The following PRKDC variants were observed in gnomAD, a reference collection of about 807,000 sequenced individuals.
The protein encoded by PRKDC is DNA-dependent protein kinase catalytic subunit.
A neutral mutation model predicts 486.9 loss-of-function variants in PRKDC; 82 were observed. The observed-to-expected ratio is 0.17, with a 90% CI of 0.14 to 0.20. The LOEUF is 0.20. Among genes scored for constraint, PRKDC ranks in the 10% least tolerant of loss-of-function variants. The pLI is 1.00. For synonymous variants in PRKDC, 1,895 were observed against 1,837.0 expected (o/e 1.03, Z -0.81); for missense variants, 4,504 against 5,038.2 (o/e 0.89, Z 3.21).
chr8:47,823,637 CTG>C (rs1227399331), intron 64 of PRKDC, among the ~76,000 whole-genome samples: 1 of 151,834 alleles, frequency 6.6e-6, no homozygotes, highest in Admixed American at 6.6e-5. Context: ...CAAACAGAAA[CTG>C]TGTAAGAGCA....
chr8:47,952,682 CCT>C (rs1167124314), intron 7 of PRKDC, among the ~76,000 whole-genome samples: 4 of 151,636 alleles, frequency 2.6e-5, no homozygotes, highest in Non-Finnish European at 5.9e-5. Flanking sequence ...ATAATGATAC[CCT>C]GTCTCAATTA....
Position 47,927,270 on chromosome 8 carries a change from G to C in PRKDC, c.2343C>G (p.Asp781Glu). The change falls in exon 21 of 86, where the codon GAC becomes GAG. Residue 781 changes from aspartate (D) to glutamate (E), a missense_variant. Asp to Glu is a conservative substitution (Grantham distance 45). Transcript: ENST00000314191. ...TGTAATAAGGCTGCATTACATGTCTGTCAATATAAATTGACCATTCTTCTA... is the reference window on the plus strand; with the variant it reads ...TGTAATAAGGCTGCATTACATGTCTCTCAATATAAATTGACCATTCTTCTA... ...NALEEWSIYI[D>E]RHVMQPYYKD... 1 of 1,613,658 alleles carries C rather than the reference G, an allele frequency of 6.2e-7. No individual in the cohort carries two copies. The highest frequency in any genetic ancestry group is 8.5e-7 in the Non-Finnish European group (1 of 1,179,650).
At chr8:47,798,714 C>T (rs1411968133) in intron 72 of PRKDC, among the ~76,000 whole-genome samples, 1 of 152,100 alleles carries the variant, frequency 6.6e-6, no homozygotes, top group East Asian at 1.9e-4. Flanking sequence ...ATTGAAGCTG[C>T]AAGCAAAATA....
chr8:47,902,042 G>A (rs534072678), intron 27 of PRKDC, among the ~76,000 whole-genome samples: 6 of 152,278 alleles, frequency 3.9e-5, no homozygotes, highest in Admixed American at 3.3e-4. Context: ...CAGATCCTCT[G>A]TCACTAGCGG....
rs2086720195 is a variant in PRKDC at position 47,782,770 on chromosome 8, T to A, written c.11176-172A>T. 1 of 632,478 alleles carries A rather than the reference T, an allele frequency of 1.6e-6. No homozygotes were observed. The highest frequency in any genetic ancestry group is 2.9e-5 in the Admixed American group (1 of 34,348). 39.2% of individuals were successfully genotyped at this position (632,478 alleles called of 1,614,324 possible). Reference sequence around the variant, plus strand: ...TTTCTGCTACCTGCTTGTGCCTGACTGCTGTGCCCGCAGAAATGTTGTATT... The same window carrying A: ...TTTCTGCTACCTGCTTGTGCCTGACAGCTGTGCCCGCAGAAATGTTGTATT... On this transcript the variant is annotated intron_variant, in intron 78 of 85. Coordinates refer to ENST00000314191, the MANE Select transcript of PRKDC (RefSeq NM_006904.7). This position sits in a 1 kb window ranked among gnomAD's most constrained non-coding sequence, Gnocchi z 4.9.
In PRKDC at chr8:47,859,617, C is replaced by T. The variant is rs745971291; in HGVS notation, c.6201G>A (p.Arg2067=). Residue 2067 remains arginine, a synonymous_variant, in exon 46 of 86, where the codon CGG becomes CGA. Transcript: ENST00000314191. ...QDPRPATGRF[R]RREQRDPTVH... is the part of the protein sequence containing the mutation. ...GTATGTGAAATGTGATCACCCGTCTCCGAAAACGACCAGTGGCAGGTCTAG... is the reference window on the plus strand; with the variant it reads ...GTATGTGAAATGTGATCACCCGTCTTCGAAAACGACCAGTGGCAGGTCTAG... The T allele has an allele frequency of 1.9e-6, 3 of 1,610,554 alleles. No individual in the cohort carries two copies. Among genetic ancestry groups the T allele is most frequent in the Non-Finnish European group, 2.5e-6 (3 of 1,178,824 alleles).
rs893395799 is a variant in PRKDC at position 47,779,168 on chromosome 8, A to C, written c.11490-75T>G. 6.0e-5 allele frequency: 66 copies of C among 1,091,770 alleles called. No homozygotes were observed. In the African/African-American group the frequency reaches 1.0e-3, roughly 17 times the overall value. 67.6% of individuals were successfully genotyped at this position (1,091,770 alleles called of 1,614,324 possible). A position where few individuals can be genotyped will look rare whatever the true frequency, so the allele number is the denominator to read the frequency against. On this transcript the variant is annotated intron_variant, in intron 80 of 85. Coordinates refer to ENST00000314191, the MANE Select transcript of PRKDC (RefSeq NM_006904.7). ...GTGATTTCAAAGGCAAAGATCACCA[A>C]GAATTCATTGAAAAATAGCAAAGAG...
At chr8:47,900,697 A>G (rs894702427) in intron 27 of PRKDC, among the ~76,000 whole-genome samples, 1 of 151,932 alleles carries the variant, frequency 6.6e-6, no homozygotes, top group African/African-American at 2.4e-5. Context: ...AAAATACAAA[A>G]AATTAGCTGG....
chr8:47,889,326 G>A, intron 32 of PRKDC, 104 bp from the exon 33 acceptor site: 1 of 943,014 alleles, frequency 1.1e-6, no homozygotes, highest in Non-Finnish European at 1.6e-6. Flanking sequence ...CTAAGGGAGA[G>A]GTGGGCAGAG....
intron 28 of PRKDC, among the ~76,000 whole-genome samples, chr8:47,899,333 T>C (rs2089638647): frequency 6.6e-6 from 1 of 152,152 alleles, no homozygotes; most frequent in African/African-American, 2.4e-5. Context: ...ATAACAGAGC[T>C]CAGTCTGTCT....
In PRKDC at chr8:47,939,632, C is replaced by G. The variant is rs766029025; in HGVS notation, c.1032G>C (p.Gln344His). Residue 344 changes from glutamine (Q) to histidine (H), a missense_variant, in exon 11 of 86, where the codon CAG becomes CAC. Physicochemically the swap from Gln to His is conservative, Grantham distance 24 (BLOSUM62 0). Coordinates refer to ENST00000314191, the MANE Select transcript of PRKDC (RefSeq NM_006904.7). ...CCACATTTCTGATGATTCCATAAAA[C>G]TGCTCCATAAAGTACTGCAGTTTAT... ...HKNKLQYFME[Q>H]FYGIIRNVDS... 4 of 1,613,406 alleles carry G rather than the reference C, an allele frequency of 2.5e-6. No homozygotes were observed. In the South Asian group the frequency reaches 4.4e-5, roughly 18 times the overall value.
chr8:47,802,869 G>A (rs2087138079), intron 70 of PRKDC, among the ~76,000 whole-genome samples: 1 of 152,074 alleles, frequency 6.6e-6, no homozygotes, highest in African/African-American at 2.4e-5. Flanking sequence ...TAGCCAGGAT[G>A]GTCTCGATCT....
rs745812523 is a variant in PRKDC at position 47,858,813 on chromosome 8, T to C, written c.6345+36A>G. The C allele has an allele frequency of 2.5e-6, 4 of 1,594,090 alleles. No homozygotes were observed. The African/African-American group carries it at 5.4e-5, about 21-fold the overall frequency. ...TCATTCTCAGTATGACACCAATGAA[T>C]ATAGTATTAACAGGTAAGATGAGTG... On this transcript the variant is annotated intron_variant, in intron 47 of 85. Coordinates refer to ENST00000314191, the MANE Select transcript of PRKDC (RefSeq NM_006904.7).
At chr8:47,881,715 G>A (rs1363457733) in intron 37 of PRKDC, among the ~76,000 whole-genome samples, 195 bp from the exon 38 acceptor site, 1 of 152,130 alleles carries the variant, frequency 6.6e-6, no homozygotes, top group Non-Finnish European at 1.5e-5. Flanking sequence ...ACTTTAAAAA[G>A]ATATAGCATA....
Position 47,858,850 on chromosome 8 carries a change from T to C in PRKDC, c.6344A>G (p.Glu2115Gly). ...AGGTAAGATGAGTGGGAAAAGCACC[T>C]CTTCTCCTTGAGGCGGGCCCAGGCT... Reference protein sequence around the residue: ...HRSLGPPQGEEDSVPRDLPSW... With the variant: ...HRSLGPPQGEGDSVPRDLPSW... The change falls in exon 47 of 86, where the codon GAG (glutamate) becomes GGG (glycine). Residue 2115 changes from glutamate (E) to glycine (G), a missense_variant and splice_region_variant. By Grantham distance (98) the Glu-to-Gly change is moderately conservative. Around this residue, in one of 6 missense-constraint regions of PRKDC, gnomAD observed 1,592 missense variants for 1,724.6 expected, o/e 0.92. Coordinates refer to ENST00000314191, the MANE Select transcript of PRKDC (RefSeq NM_006904.7). The C allele has an allele frequency of 6.2e-7, 1 of 1,612,998 alleles. No individual in the cohort carries two copies. The highest frequency in any genetic ancestry group is 8.5e-7 in the Non-Finnish European group (1 of 1,179,286).
intron 25 of PRKDC, among the ~76,000 whole-genome samples, chr8:47,907,736 T>C (rs1175997949): frequency 6.6e-6 from 1 of 151,934 alleles, no homozygotes; most frequent in African/African-American, 2.4e-5. Flanking sequence ...GGTTTCACCA[T>C]GTTGGCCGGG....
chr8:47,811,803 C>G (rs917882118), intron 68 of PRKDC, among the ~76,000 whole-genome samples: 5 of 152,074 alleles, frequency 3.3e-5, no homozygotes, highest in Non-Finnish European at 5.9e-5. Context: ...ATGGCGAAAC[C>G]CTGTCTCTAC....
chr8:47,796,331 C>G (rs949575454), intron 73 of PRKDC, among the ~76,000 whole-genome samples: 2 of 151,300 alleles, frequency 1.3e-5, no homozygotes, highest in African/African-American at 2.4e-5. Flanking sequence ...AGCGAGACTC[C>G]GTCACCAAAA....
intron 80 of PRKDC, among the ~76,000 whole-genome samples, chr8:47,780,381 G>T (rs1440478936): frequency 1.3e-5 from 2 of 152,182 alleles, no homozygotes; most frequent in East Asian, 3.8e-4. Context: ...TTGAAAAGCT[G>T]TTTTCAGTGT....
Sources: gnomAD v4.1 joint callset for allele counts (sites outside exome capture counted in the v4.1 genomes callset) on GRCh38, gnomAD v4.1.1 for gene constraint, gnomAD v4.1.1 regional missense constraint, Gnocchi (gnomAD v3.1) non-coding constraint, MANE v1.5 for transcripts, NCBI Gene and HGNC (gene_info 2026-07-23, HGNC 2026-07-21) for gene names.